Variants in SH2B1 observed in about 807,000 individuals in gnomAD.
SH2B1 encodes SH2B adapter protein 1.
SH2B1 carries 15 observed loss-of-function variants against 62.6 expected under a neutral mutation model. That is an observed-to-expected ratio of 0.24 (90% CI 0.16 to 0.37). The LOEUF is 0.37. SH2B1 is among the 10% of genes least tolerant of loss of function. The pLI, the probability that SH2B1 is intolerant of heterozygous loss-of-function variation, is 1.00. For missense variants in SH2B1, 925 were observed against 1,015.6 expected (o/e 0.91, Z 1.21); for synonymous variants, 443 against 438.0 (o/e 1.01, Z -0.14).
Position 28,873,854 on chromosome 16 carries a change from C to T in SH2B1, c.*34C>T, listed in dbSNP as rs141596379. ...CACCCGCTCCACCCTTTTTAAACCC[C>T]CCAGCCCTGCTCGTGAGATTGGGCT... On this transcript the variant is annotated 3_prime_UTR_variant, in exon 8 of 8. Transcript: ENST00000684370. This position sits in a 1 kb window ranked among gnomAD's most constrained non-coding sequence, Gnocchi z 4.2. 2 of 1,403,038 alleles carry T rather than the reference C, an allele frequency of 1.4e-6. No homozygotes were observed. Among genetic ancestry groups the T allele is most frequent in the African/African-American group, 1.5e-5 (1 of 68,058 alleles). 86.9% of individuals were successfully genotyped at this position (1,403,038 alleles called of 1,614,324 possible). A position where few individuals can be genotyped will look rare whatever the true frequency, so the allele number is the denominator to read the frequency against.
rs1347661704 is a variant in SH2B1, at chr16:28,869,017, A to G, written c.1053A>G (p.Pro351=). Residue 351 remains proline (P), a synonymous_variant, in exon 3 of 8, where the codon CCA becomes CCG. Transcript: ENST00000684370. ...ENTFVVKVEG[P]SEYIMETVDA... ...TCTCATCTCTGTAGGTGGAAGGTCC[A>G]TCCGAGTATATCATGGAGACAGTGG... 2 of 1,613,976 alleles carry G rather than the reference A, an allele frequency of 1.2e-6. No individual in the cohort carries two copies. The highest frequency in any genetic ancestry group is 3.3e-5 in the Admixed American group (2 of 60,004).
In SH2B1 at chr16:28,872,147, C is replaced by T. The variant is rs1217209800; in HGVS notation, c.1514-43C>T. On this transcript the variant is annotated intron_variant, in intron 5 of 7. Transcript: ENST00000684370. This position sits in a 1 kb window ranked among gnomAD's most constrained non-coding sequence, Gnocchi z 5.3. Reference sequence around the variant, plus strand: ...CTTTTTTCTCCCAGGATGGGGGAGGCTGCCCTGACACCCCGGTTTCCCTCC... The same window carrying T: ...CTTTTTTCTCCCAGGATGGGGGAGGTTGCCCTGACACCCCGGTTTCCCTCC... 1 of 1,574,494 alleles carries T rather than the reference C, an allele frequency of 6.4e-7. No homozygotes were observed. The highest frequency in any genetic ancestry group is 2.2e-5 in the East Asian group (1 of 44,616).
chr16:28,873,778 G>T lies in SH2B1; in HGVS notation c.2229G>T (p.Gly743=). The change falls in exon 8 of 8, where the codon GGG becomes GGT. Residue 743 remains glycine (G), a synonymous_variant. Transcript: ENST00000684370. This position sits in a 1 kb window ranked among gnomAD's most constrained non-coding sequence, Gnocchi z 4.2. ...QSPLGGDGEE[G]GHPRAINNQY... ...CACTAGGGGGTGATGGAGAGGAAGG[G>T]GGCCACCCCAGGGCCATTAACAACC... 1 of 1,467,802 alleles carries T rather than the reference G, an allele frequency of 6.8e-7. No homozygotes were observed. The allele number at this position is 1,467,802 out of a possible 1,614,324, so 90.9% of individuals were successfully genotyped here. A position where few individuals can be genotyped will look rare whatever the true frequency, so the allele number is the denominator to read the frequency against.
In SH2B1 at chr16:28,874,036, C is replaced by T. The variant is rs1460979964; in HGVS notation, c.*216C>T. On this transcript the variant is annotated 3_prime_UTR_variant, in exon 8 of 8. Transcript: ENST00000684370. ...CAGGGGATTTGGGCTCCATGAGCTC[C>T]TTGAGGGGCTCTTCTGGTCAGCCCC... The T allele has an allele frequency of 2.4e-6, 1 of 411,604 alleles. No individual in the cohort carries two copies. The highest frequency in any genetic ancestry group is 4.2e-6 in the Non-Finnish European group (1 of 240,162). The allele number at this position is 411,604 out of a possible 1,614,324, so 25.5% of individuals were successfully genotyped here. A position where few individuals can be genotyped will look rare whatever the true frequency, so the allele number is the denominator to read the frequency against.
Position 28,873,630 on chromosome 16 carries a change from C to A in SH2B1, c.2081C>A (p.Pro694His). Residue 694 changes from proline (P) to histidine (H), a missense_variant, in exon 8 of 8, where the codon CCC becomes CAC. Pro to His is a moderately conservative substitution (Grantham distance 77). Transcript: ENST00000684370. This position sits in a 1 kb window ranked among gnomAD's most constrained non-coding sequence, Gnocchi z 4.2. ...GGAGGGGTCCCGGAAGAGCTGGTCC[C>A]CGTGGTTGAGCTGGTCCCCGTGGTT... ...GGGGVPEELV[P>H]VVELVPVVEL... 1 of 1,539,922 alleles carries A rather than the reference C, an allele frequency of 6.5e-7. No homozygotes were observed. The highest frequency in any genetic ancestry group is 8.8e-7 in the Non-Finnish European group (1 of 1,141,710).
At chr16:28,862,315 G>C (rs1031805433), upstream of SH2B1, 3 of 152,138 alleles carry the variant, frequency 2.0e-5, no homozygotes, top group Admixed American at 6.6e-5. Context: ...TTATTTTTGA[G>C]ATGGAGTCTC....
At chr16:28,847,288 A>G (rs928940255) in intron 1 of SH2B1, among the ~76,000 whole-genome samples, 1 of 152,214 alleles carries the variant, frequency 6.6e-6, no homozygotes, top group African/African-American at 2.4e-5. Context: ...GTGCAAGGGT[A>G]GTCAATGTCC....
At position 28,864,066 on chromosome 16, in the gene SH2B1, C is replaced by T. The variant is rs1962550533; in HGVS notation, c.-2029C>T. On this transcript the variant is annotated 5_prime_UTR_variant, in exon 1 of 8. Coordinates refer to ENST00000684370, the MANE Select transcript of SH2B1 (RefSeq NM_001387430.1). ...TGGAGGGCCGGGGGCTGGAGAGGCA[C>T]TCGGCCCCGGAGAGTGCAGCAGACA... 1.5e-6 allele frequency: 2 copies of T among 1,351,760 alleles called. No individual in the cohort carries two copies. The highest frequency in any genetic ancestry group is 3.2e-5 in the Admixed American group (1 of 31,730). 83.7% of individuals were successfully genotyped at this position (1,351,760 alleles called of 1,614,324 possible).
At chr16:28,857,821 G>C (rs1250475579) in intron 1 of SH2B1, among the ~76,000 whole-genome samples, 9 of 151,184 alleles carry the variant, frequency 6.0e-5, no homozygotes, top group African/African-American at 2.2e-4. Context: ...CTCACTGCAA[G>C]CTCCGCCTCC....
At chr16:28,867,454 C>T (rs902953864) in intron 2 of SH2B1, 22 bp downstream of exon 2, 20 of 1,565,484 alleles carry the variant, frequency 1.3e-5, no homozygotes, top group African/African-American at 6.8e-5. Flanking sequence ...ACTTCCCAGC[C>T]GCCGGCAGTG....
rs1269318115 is a variant in SH2B1, at chr16:28,866,550, C to G, written c.456C>G (p.Arg152=). 6.2e-7 allele frequency: 1 copy of G among 1,614,122 alleles called. No homozygotes were observed. The highest frequency in any genetic ancestry group is 1.3e-5 in the African/African-American group (1 of 75,042). The change falls in exon 1 of 8, where the codon CGC becomes CGG. Residue 152 remains arginine, a synonymous_variant. Transcript: ENST00000684370. The surrounding 1 kb of genome is among the most constrained non-coding windows in gnomAD (Gnocchi z 6.3). ...TTSSKPKLKK[R]FSLRSVGRSV... is the part of the protein sequence containing the mutation. ...CCTCCAAGCCGAAGCTCAAGAAGCG[C>G]TTTTCCCTGCGTTCAGTGGGTCGCT... is the stretch of plus-strand genomic sequence containing the variant.
intron 1 of SH2B1, among the ~76,000 whole-genome samples, chr16:28,856,110 CA>C (rs56267263): frequency 1.7e-3 from 225 of 134,944 alleles, no homozygotes; most frequent in Non-Finnish European, 2.0e-3. Context: ...ACTAAAAATA[CA>C]AAAAAAAAAA....
rs1962555459 is a variant in SH2B1 at position 28,864,142 on chromosome 16, G to A, written c.-1953G>A. ...CCCGGAAAATGGGCGGCTGGGGGGT[G>A]TCCAGGGAGTAGGGTCGGATCGGAG... On this transcript the variant is annotated 5_prime_UTR_variant, in exon 1 of 8. Coordinates refer to ENST00000684370, the MANE Select transcript of SH2B1 (RefSeq NM_001387430.1). 1.7e-6 allele frequency: 2 copies of A among 1,182,330 alleles called. No individual in the cohort carries two copies. The highest frequency in any genetic ancestry group is 4.2e-5 in the Admixed American group (1 of 24,008). The allele number at this position is 1,182,330 out of a possible 1,614,324, so 73.2% of individuals were successfully genotyped here.
rs1334261502 is a variant in SH2B1 at position 28,873,982 on chromosome 16, G to A, written c.*162G>A. On this transcript the variant is annotated 3_prime_UTR_variant, in exon 8 of 8. Transcript: ENST00000684370. This position sits in a 1 kb window ranked among gnomAD's most constrained non-coding sequence, Gnocchi z 4.2. ...AAGCAGAGGCTCGGGAGAGGCTCCC[G>A]TCACACACTACAGGTCCCCTCCCCA... 2 of 627,350 alleles carry A rather than the reference G, an allele frequency of 3.2e-6. No homozygotes were observed. Among genetic ancestry groups the A allele is most frequent in the Non-Finnish European group, 4.7e-6 (2 of 423,500 alleles). 38.9% of individuals were successfully genotyped at this position (627,350 alleles called of 1,614,324 possible).
upstream of SH2B1, chr16:28,863,453 G>A (rs981887887): frequency 1.4e-5 from 7 of 488,538 alleles, no homozygotes; most frequent in East Asian, 3.5e-5. Context: ...AGCGGGGCCG[G>A]CGCTCTAGGC....
At chr16:28,869,432 G>T in intron 4 of SH2B1, 49 bp downstream of exon 4, 1 of 1,559,396 alleles carries the variant, frequency 6.4e-7, no homozygotes, top group South Asian at 1.2e-5. Flanking sequence ...CTGCCATGCG[G>T]GGCCCCTGCT....
rs1555509754 is a variant in SH2B1, at chr16:28,852,221, CATATATATTTACATATATATATTTACAT to C, written c.-301+5485_-301+5512del. ...TTATATATTTACATATATATATTTA[CATATATATTTACATATATATATTTACAT>C]ATATATATTTACATATATATATTTA... On this transcript the variant is annotated intron_variant, in intron 1 of 10. Transcript: ENST00000322610. Among the ~76,000 whole-genome samples the C allele has an allele frequency of 1.1e-3, 45 of 39,418 alleles. 1 individual carries two copies. Among genetic ancestry groups the C allele is most frequent in the East Asian group, 3.8e-3 (2 of 524 alleles). 25.9% of individuals were successfully genotyped at this position (39,418 alleles called of 152,430 possible). A position where few individuals can be genotyped will look rare whatever the true frequency, so the allele number is the denominator to read the frequency against.
Position 28,864,358 on chromosome 16 carries a change from G to A in SH2B1, c.-1737G>A. The A allele has an allele frequency of 1.0e-6, 1 of 991,794 alleles. No individual in the cohort carries two copies. The highest frequency in any genetic ancestry group is 1.2e-6 in the Non-Finnish European group (1 of 833,580). 61.4% of individuals were successfully genotyped at this position (991,794 alleles called of 1,614,324 possible). A position where few individuals can be genotyped will look rare whatever the true frequency, so the allele number is the denominator to read the frequency against. On this transcript the variant is annotated 5_prime_UTR_variant, in exon 1 of 8. Transcript: ENST00000684370. ...CGCAGGGTCAGCGGGCCTGAAGGGGGCTGGGTCTGTCTGCGGTGCGGAGGA... is the reference window on the plus strand; with the variant it reads ...CGCAGGGTCAGCGGGCCTGAAGGGGACTGGGTCTGTCTGCGGTGCGGAGGA...
intron 2 of SH2B1, 130 bp from the exon 3 acceptor site, chr16:28,868,876 G>A: frequency 1.3e-6 from 1 of 745,472 alleles, no homozygotes; most frequent in Non-Finnish European, 2.4e-6. Flanking sequence ...GTGAGCCTCT[G>A]TACCCGGCCT....
Sources: gnomAD v4.1 joint callset for allele counts (sites outside exome capture counted in the v4.1 genomes callset) on GRCh38, gnomAD v4.1.1 for gene constraint, Gnocchi (gnomAD v3.1) non-coding constraint, MANE v1.5 for transcripts, NCBI Gene and HGNC (gene_info 2026-07-23, HGNC 2026-07-21) for gene names.